The following SEMA5A variants were observed in gnomAD, a reference collection of about 807,000 sequenced individuals.
SEMA5A encodes the protein semaphorin 5A, also known as semaphorin-5A.
In SEMA5A, 55 loss-of-function variants were observed where a neutral mutation model predicts 135.5. The ratio of observed to expected loss-of-function variants is 0.41; its 90% CI spans 0.33 to 0.51. The LOEUF (loss-of-function observed/expected upper bound fraction) is 0.51. Ranked by LOEUF, SEMA5A falls within the 20% of genes least tolerant of loss-of-function variation. The probability of loss-of-function intolerance (pLI) is 0.37; values close to 1 mark genes in which losing one functional copy is unlikely to be tolerated. For synonymous variants in SEMA5A, 580 were observed against 546.5 expected, an observed-to-expected ratio of 1.06 and a Z score of -0.85; for missense variants, 1,290 against 1,419.9, an observed-to-expected ratio of 0.91 and a Z score of 1.47.
intron 11 of SEMA5A, among the ~76,000 whole-genome samples, chr5:9,161,563 C>G (rs1743257174): frequency 1.3e-5 from 2 of 152,020 alleles, no homozygotes; most frequent in African/African-American, 4.8e-5. Flanking sequence ...GTATTTTATA[C>G]TTATAGTCCA....
At chr5:9,135,968 C>A (rs946372063) in intron 13 of SEMA5A, among the ~76,000 whole-genome samples, 19 of 152,212 alleles carry the variant, frequency 1.2e-4, no homozygotes, top group African/African-American at 4.1e-4. Flanking sequence ...TGAGTTTCTC[C>A]TCATTCCATA....
rs4002250 is a variant in SEMA5A at position 9,059,171 on chromosome 5, CTTTTT to C, written c.2518+3711_2518+3715del. On this transcript the variant is annotated intron_variant, in intron 18 of 22. Transcript: ENST00000382496. ...TAGGTTTTTACCTTCATTTTCTTTTCTTTTTTTTTTTTATACTTTAAGTTTTAGGG... is the reference window on the plus strand; with the variant it reads ...TAGGTTTTTACCTTCATTTTCTTTTCTTTTTTTATACTTTAAGTTTTAGGG... Among the ~76,000 whole-genome samples, 596 of 145,572 alleles carry C rather than the reference CTTTTT, an allele frequency of 4.1e-3. 1 individual carries two copies. Among genetic ancestry groups the C allele is most frequent in the African/African-American group, 0.014 (551 of 40,106 alleles).
intron 3 of SEMA5A, among the ~76,000 whole-genome samples, chr5:9,362,881 C>T (rs1374105120): frequency 6.6e-6 from 1 of 152,178 alleles, no homozygotes. Flanking sequence ...TCTGCAAATG[C>T]ACAAATGAGA....
chr5:9,245,478 C>T (rs1003246221), intron 5 of SEMA5A, among the ~76,000 whole-genome samples: 1 of 152,040 alleles, frequency 6.6e-6, no homozygotes, highest in Non-Finnish European at 1.5e-5. Flanking sequence ...ATAACACCCT[C>T]GGTATCCAAG....
At chr5:9,089,668 G>A (rs1738925224) in intron 16 of SEMA5A, among the ~76,000 whole-genome samples, 1 of 152,126 alleles carries the variant, frequency 6.6e-6, no homozygotes, top group African/African-American at 2.4e-5. Context: ...AGTACAATAT[G>A]GTATTGAACG....
At chr5:9,495,607 G>C (rs1448852041) in intron 1 of SEMA5A, among the ~76,000 whole-genome samples, 3 of 152,146 alleles carry the variant, frequency 2.0e-5, no homozygotes, top group African/African-American at 7.2e-5. Context: ...TGAATAACCA[G>C]CCCCTCAACA....
intron 13 of SEMA5A, among the ~76,000 whole-genome samples, chr5:9,136,076 A>C (rs1305919354): frequency 6.6e-6 from 1 of 152,178 alleles, no homozygotes; most frequent in African/African-American, 2.4e-5. Flanking sequence ...GGTGAAAGTA[A>C]TATCCTTTAG....
intron 1 of SEMA5A, among the ~76,000 whole-genome samples, chr5:9,468,259 C>T (rs1033804689): frequency 6.6e-6 from 1 of 152,108 alleles, no homozygotes; most frequent in Non-Finnish European, 1.5e-5. Context: ...TAATTTTGCC[C>T]AATTAGAAAT....
At chr5:9,489,780 G>C (rs560117954) in intron 1 of SEMA5A, among the ~76,000 whole-genome samples, 1 of 152,202 alleles carries the variant, frequency 6.6e-6, no homozygotes, top group African/African-American at 2.4e-5. Flanking sequence ...TCCAATAACA[G>C]TGCAAATTTC....
chr5:9,490,188 T>A (rs1266418892), intron 1 of SEMA5A, among the ~76,000 whole-genome samples: 4 of 152,094 alleles, frequency 2.6e-5, no homozygotes, highest in African/African-American at 9.7e-5. Context: ...ACTAAAAATT[T>A]AAAAAAATAG....
intron 5 of SEMA5A, among the ~76,000 whole-genome samples, chr5:9,279,183 T>C (rs555028896): frequency 1.2e-4 from 19 of 152,262 alleles, no homozygotes; most frequent in African/African-American, 3.8e-4. Context: ...AGCCCTTGTG[T>C]TAGTGTGGCC....
intron 5 of SEMA5A, among the ~76,000 whole-genome samples, chr5:9,276,520 G>A (rs867108591): frequency 4.6e-5 from 7 of 152,208 alleles, no homozygotes; most frequent in African/African-American, 1.4e-4. Context: ...TAAGCAAAAA[G>A]AACAAAGCTG....
intron 13 of SEMA5A, among the ~76,000 whole-genome samples, chr5:9,135,188 T>G (rs1022317573): frequency 2.0e-5 from 3 of 150,196 alleles, no homozygotes; most frequent in African/African-American, 7.4e-5. Flanking sequence ...TCTTTTTTTT[T>G]TTTTTTTTTT....
chr5:9,187,181 C>G (rs1321474622), intron 11 of SEMA5A, among the ~76,000 whole-genome samples: 6 of 151,764 alleles, frequency 4.0e-5, no homozygotes, highest in African/African-American at 1.5e-4. Context: ...TTCCAGTATT[C>G]AATTCCTTGG....
At chr5:9,157,517 A>T (rs1309618439) in intron 11 of SEMA5A, among the ~76,000 whole-genome samples, 3 of 151,972 alleles carry the variant, frequency 2.0e-5, no homozygotes, top group Non-Finnish European at 4.4e-5. Flanking sequence ...CCTGTCACCC[A>T]CAGCTCACCT....
In SEMA5A at chr5:9,365,840, A is replaced by G. The variant is rs1754892699; in HGVS notation, c.124+13983T>C. 2.0e-5 allele frequency among the ~76,000 whole-genome samples: 3 copies of G among 152,214 alleles called. 1 individual carries two copies. In the South Asian group the frequency reaches 6.2e-4, roughly 32 times the overall value. Reference sequence around the variant, plus strand: ...CTCCCACTACTGCCTGTCTCTGAACACTGCCAGCAGCCATCCTAACATGAA... The same window carrying G: ...CTCCCACTACTGCCTGTCTCTGAACGCTGCCAGCAGCCATCCTAACATGAA... On this transcript the variant is annotated intron_variant, in intron 3 of 22. Transcript: ENST00000382496.
At chr5:9,297,167 TATATAC>T (rs143525690) in intron 5 of SEMA5A, among the ~76,000 whole-genome samples, 95 of 151,972 alleles carry the variant, frequency 6.3e-4, no homozygotes, top group Non-Finnish European at 1.0e-3. Context: ...AATACATATA[TATATAC>T]ATATACATAT....
intron 5 of SEMA5A, among the ~76,000 whole-genome samples, chr5:9,279,732 C>G (rs1479439951): frequency 6.6e-6 from 1 of 152,008 alleles, no homozygotes. Flanking sequence ...TGGCACTTCC[C>G]CCTTGACTCT....
chr5:9,545,223 G>A lies in SEMA5A; in HGVS notation c.-175+361C>T, dbSNP rs1392947411. 6.6e-6 allele frequency among the ~76,000 whole-genome samples: 1 copy of A among 152,108 alleles called. No individual in the cohort carries two copies. Among genetic ancestry groups the A allele is most frequent in the Non-Finnish European group, 1.5e-5 (1 of 68,016 alleles). On this transcript the variant is annotated intron_variant, in intron 1 of 22. Transcript: ENST00000382496. The surrounding 1 kb of genome is among the most constrained non-coding windows in gnomAD (Gnocchi z 4.5). ...GGCTCGCGGCAGTGCGAGCCTGGAG[G>A]CGCGCCGGGGGCGGGCACAGACCAG...
Sources: gnomAD v4.1 joint callset for allele counts (sites outside exome capture counted in the v4.1 genomes callset) on GRCh38, gnomAD v4.1.1 for gene constraint, Gnocchi (gnomAD v3.1) non-coding constraint, MANE v1.5 for transcripts, NCBI Gene and HGNC (gene_info 2026-07-23, HGNC 2026-07-21) for gene names.